Variants in WTIP observed in about 807,000 individuals in gnomAD.
The protein encoded by WTIP is WT1 interacting protein.
In WTIP, 23 loss-of-function variants were observed where a neutral mutation model predicts 41.7. The observed-to-expected ratio is 0.55, with a 90% CI of 0.40 to 0.78. The LOEUF (loss-of-function observed/expected upper bound fraction) is 0.78, where lower values mean the gene tolerates loss of function less well. Among genes scored for constraint, WTIP ranks in the 30% least tolerant of loss-of-function variants. WTIP has a pLI of 0.00. For missense variants in WTIP, 619 were observed against 610.5 expected, an observed-to-expected ratio of 1.01 and a Z score of -0.15; for synonymous variants, 314 against 269.9, an observed-to-expected ratio of 1.16 and a Z score of -1.60.
chr19:34,502,745 G>C lies in WTIP; in HGVS notation c.*2476G>C, dbSNP rs1026304320. The C allele has an allele frequency of 1.3e-5, 2 of 151,940 alleles. No homozygotes were observed. The highest frequency in any genetic ancestry group is 4.8e-5 in the African/African-American group (2 of 41,326). 9.4% of individuals were successfully genotyped at this position (151,940 alleles called of 1,614,324 possible). A position where few individuals can be genotyped will look rare whatever the true frequency, so the allele number is the denominator to read the frequency against. ...TTACTTTTTGTATTTTTAGTTGAGAGGGGGTTTCAGCATGTTGGCCAGGTT... is the reference window on the plus strand; with the variant it reads ...TTACTTTTTGTATTTTTAGTTGAGACGGGGTTTCAGCATGTTGGCCAGGTT... On this transcript the variant is annotated 3_prime_UTR_variant, in exon 8 of 8. Coordinates refer to ENST00000590071, the MANE Select transcript of WTIP (RefSeq NM_001080436.2).
At chr19:34,498,763 G>A (rs2075868985) in intron 7 of WTIP, 1 of 152,272 alleles carries the variant, frequency 6.6e-6, no homozygotes. Context: ...AGCTGGGCGT[G>A]GTGGCGGGCG....
chr19:34,482,703 G>A, intron 1 of WTIP, 62 bp downstream of exon 1: 1 of 1,214,630 alleles, frequency 8.2e-7, no homozygotes, highest in Non-Finnish European at 1.0e-6. Context: ...TTCCGAGACT[G>A]CCTCGGGTAG....
At chr19:34,495,625 G>A in intron 6 of WTIP, 78 bp from the exon 7 acceptor site, 2 of 1,513,966 alleles carry the variant, frequency 1.3e-6, no homozygotes, top group Non-Finnish European at 1.8e-6. Context: ...GGAGCGTGGT[G>A]TGTGGGAGTG....
At chr19:34,483,265 C>A (rs1429018200) in intron 1 of WTIP, among the ~76,000 whole-genome samples, 11 of 150,912 alleles carry the variant, frequency 7.3e-5, no homozygotes, top group Admixed American at 7.3e-4. Flanking sequence ...CTCAAGCGAT[C>A]CGCCCTCCTC....
rs1488049527 is a variant in WTIP at position 34,493,330 on chromosome 19, G to GC, written c.900+9dup. On this transcript the variant is annotated splice_donor_region_variant and intron_variant, in intron 4 of 7. Coordinates refer to ENST00000590071, the MANE Select transcript of WTIP (RefSeq NM_001080436.2). This position sits in a 1 kb window ranked among gnomAD's most constrained non-coding sequence, Gnocchi z 4.1. ...GGACATCTCATCATGGAAATGGTGA[G>GC]CCCCTGCCCCAGCCTCCTGGAGCCC... 2 of 1,611,832 alleles carry GC rather than the reference G, an allele frequency of 1.2e-6. No homozygotes were observed. Among genetic ancestry groups the GC allele is most frequent in the Non-Finnish European group, 1.7e-6 (2 of 1,179,232 alleles).
chr19:34,500,077 T>C (rs1254377443), intron 7 of WTIP, 52 bp from the exon 8 acceptor site: 3 of 1,583,830 alleles, frequency 1.9e-6, no homozygotes, highest in Non-Finnish European at 2.6e-6. Context: ...CCGTGACCTC[T>C]GATGTGCGCT....
chr19:34,500,464 G>A lies in WTIP; in HGVS notation c.*195G>A. On this transcript the variant is annotated 3_prime_UTR_variant, in exon 8 of 8. Coordinates refer to ENST00000590071, the MANE Select transcript of WTIP (RefSeq NM_001080436.2). ...GCCTGCTCAAGTCACTTCCCTGCGG[G>A]CCCTGCCTCCCACCCACCCCATCAC... is the stretch of plus-strand genomic sequence containing the variant. 2 of 757,914 alleles carry A rather than the reference G, an allele frequency of 2.6e-6. No individual in the cohort carries two copies. The highest frequency in any genetic ancestry group is 3.2e-5 in the Admixed American group (1 of 31,140). 46.9% of individuals were successfully genotyped at this position (757,914 alleles called of 1,614,324 possible). A position where few individuals can be genotyped will look rare whatever the true frequency, so the allele number is the denominator to read the frequency against.
At chr19:34,499,349 A>C (rs1456188344) in intron 7 of WTIP, among the ~76,000 whole-genome samples, 1 of 151,670 alleles carries the variant, frequency 6.6e-6, no homozygotes, top group Non-Finnish European at 1.5e-5. Flanking sequence ...ACTACAAAAA[A>C]TAAACAAAAT....
At position 34,501,059 on chromosome 19, in the gene WTIP, T is replaced by C. The variant is rs1020973168; in HGVS notation, c.*790T>C. The C allele has an allele frequency of 3.9e-5, 6 of 152,706 alleles. No homozygotes were observed. The highest frequency in any genetic ancestry group is 1.3e-4 in the Admixed American group (2 of 15,286). 9.5% of individuals were successfully genotyped at this position (152,706 alleles called of 1,614,324 possible). On this transcript the variant is annotated 3_prime_UTR_variant, in exon 8 of 8. Coordinates refer to ENST00000590071, the MANE Select transcript of WTIP (RefSeq NM_001080436.2). ...CCTGGCCACGCTTCAGGAAAGCCTGTGTCTGCGCGCGGGGCAAGGGGCTCC... is the reference window on the plus strand; with the variant it reads ...CCTGGCCACGCTTCAGGAAAGCCTGCGTCTGCGCGCGGGGCAAGGGGCTCC...
Position 34,500,451 on chromosome 19 carries a change from C to CACT in WTIP, c.*183_*185dup. 2 of 876,844 alleles carry CACT rather than the reference C, an allele frequency of 2.3e-6. No homozygotes were observed. The highest frequency in any genetic ancestry group is 6.3e-5 in the Admixed American group (2 of 31,872). The allele number at this position is 876,844 out of a possible 1,614,324, so 54.3% of individuals were successfully genotyped here. ...ATTCACCGTCTGTGCCTGCTCAAGT[C>CACT]ACTTCCCTGCGGGCCCTGCCTCCCA... On this transcript the variant is annotated 3_prime_UTR_variant, in exon 8 of 8. Transcript: ENST00000590071.
intron 1 of WTIP, among the ~76,000 whole-genome samples, chr19:34,489,889 G>A (rs1428119453): frequency 6.6e-6 from 1 of 152,088 alleles, no homozygotes; most frequent in African/African-American, 2.4e-5. Context: ...AGCTGTGATT[G>A]CACCACTGCA....
rs775400013 is a variant in WTIP, at chr19:34,493,073, G to A, written c.806G>A (p.Gly269Asp). ...RLRGKAFYNV[G>D]EKVYCQEDFL... ...CGTGGGAAGGCGTTCTACAACGTGGGTGAGAAAGTGTACTGCCAGGAGGAC... is the reference window on the plus strand; with the variant it reads ...CGTGGGAAGGCGTTCTACAACGTGGATGAGAAAGTGTACTGCCAGGAGGAC... The change falls in exon 3 of 8, where the codon GGT becomes GAT. Residue 269 changes from glycine to aspartate, a missense_variant. Physicochemically the swap from Gly to Asp is moderately conservative, Grantham distance 94. Around this residue, in one of 3 missense-constraint regions of WTIP, gnomAD observed 164 missense variants for 219.1 expected, o/e 0.75. Coordinates refer to ENST00000590071, the MANE Select transcript of WTIP (RefSeq NM_001080436.2). This position sits in a 1 kb window ranked among gnomAD's most constrained non-coding sequence, Gnocchi z 4.1. 14 of 1,613,842 alleles carry A rather than the reference G, an allele frequency of 8.7e-6. No homozygotes were observed. Among genetic ancestry groups the A allele is most frequent in the African/African-American group, 1.3e-5 (1 of 74,926 alleles).
At chr19:34,499,867 T>G (rs1212573687) in intron 7 of WTIP, among the ~76,000 whole-genome samples, 1 of 151,934 alleles carries the variant, frequency 6.6e-6, no homozygotes, top group African/African-American at 2.4e-5. Context: ...GCCCGGCTAA[T>G]TTTGTATTTT....
At position 34,501,954 on chromosome 19, in the gene WTIP, CTTTTCT is replaced by C. The variant is rs1414280791; in HGVS notation, c.*1690_*1695del. ...TGCTAGCTGAGCTGCTTTTTCTTTT[CTTTTCT>C]TTTTTTTTTTTTGAGACGGAGTGTC... On this transcript the variant is annotated 3_prime_UTR_variant, in exon 8 of 8. Coordinates refer to ENST00000590071, the MANE Select transcript of WTIP (RefSeq NM_001080436.2). 1.7e-4 allele frequency: 26 copies of C among 150,636 alleles called. No individual in the cohort carries two copies. The highest frequency in any genetic ancestry group is 2.6e-4 in the Non-Finnish European group (18 of 69,240). The allele number at this position is 150,636 out of a possible 1,614,324, so 9.3% of individuals were successfully genotyped here.
At chr19:34,500,076 C>G (rs2145611357) in intron 7 of WTIP, 53 bp from the exon 8 acceptor site, 1 of 1,584,462 alleles carries the variant, frequency 6.3e-7, no homozygotes, top group South Asian at 1.1e-5. Flanking sequence ...CCCGTGACCT[C>G]TGATGTGCGC....
chr19:34,510,178 C>G lies in WTIP; in HGVS notation c.*9909C>G, dbSNP rs775397312. The G allele has an allele frequency of 2.0e-5, 3 of 152,228 alleles. No individual in the cohort carries two copies. Among genetic ancestry groups the G allele is most frequent in the Admixed American group, 2.0e-4 (3 of 15,282 alleles). 9.4% of individuals were successfully genotyped at this position (152,228 alleles called of 1,614,324 possible). ...CCCCACATTTCCCTTCTGCACTGCC[C>G]TAGCAGAGGTTCTCCAAGAGGGCCC... On this transcript the variant is annotated 3_prime_UTR_variant, in exon 8 of 8. Coordinates refer to ENST00000590071, the MANE Select transcript of WTIP (RefSeq NM_001080436.2).
Position 34,510,440 on chromosome 19 carries a change from A to T in WTIP, c.*10171A>T, listed in dbSNP as rs2075928814. 6.6e-6 allele frequency: 1 copy of T among 152,316 alleles called. No homozygotes were observed. The highest frequency in any genetic ancestry group is 1.5e-5 in the Non-Finnish European group (1 of 68,130). 9.4% of individuals were successfully genotyped at this position (152,316 alleles called of 1,614,324 possible). On this transcript the variant is annotated 3_prime_UTR_variant, in exon 8 of 8. Transcript: ENST00000590071. ...CACAAGGCAGCAAGTCCTAGGCTGCACACAACATGGGGACTTTGGGTCCAG... is the reference window on the plus strand; with the variant it reads ...CACAAGGCAGCAAGTCCTAGGCTGCTCACAACATGGGGACTTTGGGTCCAG...
chr19:34,483,062 C>T (rs1447959928), intron 1 of WTIP, among the ~76,000 whole-genome samples: 2 of 142,048 alleles, frequency 1.4e-5, no homozygotes, highest in Non-Finnish European at 3.0e-5. Flanking sequence ...TGGAGTGCAG[C>T]GGCGCGTCCT....
In WTIP at chr19:34,500,326, C is replaced by T; in HGVS notation, c.*57C>T. ...GGTGTGGGTGTGGAGGGAGGGCCCG[C>T]GTGGGTGGCCCTGGTCAGCGTCAGG... On this transcript the variant is annotated 3_prime_UTR_variant, in exon 8 of 8. Transcript: ENST00000590071. 1.3e-6 allele frequency: 2 copies of T among 1,493,170 alleles called. No individual in the cohort carries two copies. The highest frequency in any genetic ancestry group is 1.8e-6 in the Non-Finnish European group (2 of 1,118,220). 92.5% of individuals were successfully genotyped at this position (1,493,170 alleles called of 1,614,324 possible).
Sources: allele counts gnomAD v4.1 joint callset (sites outside exome capture counted in the v4.1 genomes callset), GRCh38; gene constraint gnomAD v4.1.1; regional missense constraint gnomAD v4.1.1; non-coding constraint Gnocchi (gnomAD v3.1); transcripts MANE v1.5; gene names NCBI Gene and HGNC (gene_info 2026-07-23, HGNC 2026-07-21).